The following FBXO11 variants were observed in gnomAD, a reference collection of about 807,000 sequenced individuals.
The protein encoded by FBXO11 is F-box protein 11.
FBXO11 carries 13 observed loss-of-function variants against 117.0 expected under a neutral mutation model. That is an observed-to-expected ratio of 0.11 (90% CI 0.07 to 0.18). The LOEUF (loss-of-function observed/expected upper bound fraction) is 0.18. Ranked by LOEUF, FBXO11 falls within the 10% of genes least tolerant of loss-of-function variation. The probability of loss-of-function intolerance (pLI) is 1.00; values close to 1 mark genes in which losing one functional copy is unlikely to be tolerated. For missense variants in FBXO11, 767 were observed against 1,164.4 expected, an observed-to-expected ratio of 0.66 and a Z score of 4.97; for synonymous variants, 490 against 380.5, an observed-to-expected ratio of 1.29 and a Z score of -3.35.
intron 5 of FBXO11, among the ~76,000 whole-genome samples, 185 bp from the exon 6 acceptor site, chr2:47,835,056 C>T (rs1672447217): frequency 6.6e-6 from 1 of 152,132 alleles, no homozygotes; most frequent in Non-Finnish European, 1.5e-5. Flanking sequence ...TATCCAGAAA[C>T]AAAGAACAGG....
chr2:47,844,142 C>T (rs1301128202), intron 1 of FBXO11, among the ~76,000 whole-genome samples: 1 of 152,170 alleles, frequency 6.6e-6, no homozygotes, highest in Admixed American at 6.6e-5. Context: ...CTGCCAATTT[C>T]CATGATTATA....
chr2:47,897,092 T>A (rs1197759331), intron 1 of FBXO11, among the ~76,000 whole-genome samples: 1 of 152,196 alleles, frequency 6.6e-6, no homozygotes, highest in African/African-American at 2.4e-5. Context: ...CATACCAAAG[T>A]TGTCCATCTC....
intron 1 of FBXO11, among the ~76,000 whole-genome samples, chr2:47,859,555 G>A (rs916956772): frequency 2.0e-5 from 3 of 152,198 alleles, no homozygotes; most frequent in Non-Finnish European, 4.4e-5. Flanking sequence ...ATAAATGGAT[G>A]AGACCTCAAG....
intron 1 of FBXO11, among the ~76,000 whole-genome samples, chr2:47,856,106 G>A (rs191911691): frequency 3.6e-4 from 55 of 152,248 alleles, no homozygotes; most frequent in Admixed American, 1.2e-3. Context: ...GTGGAATACC[G>A]TCTCTAAAGA....
At chr2:47,816,781 A>C (rs1671034813) in intron 16 of FBXO11, among the ~76,000 whole-genome samples, 1 of 152,190 alleles carries the variant, frequency 6.6e-6, no homozygotes, top group Non-Finnish European at 1.5e-5. Flanking sequence ...TCTGAGCACT[A>C]GGTCTCAGTG....
intron 1 of FBXO11, among the ~76,000 whole-genome samples, chr2:47,873,422 T>A (rs1454825516): frequency 2.0e-5 from 3 of 152,128 alleles, no homozygotes; most frequent in Admixed American, 6.5e-5. Flanking sequence ...CTGGGTTTTA[T>A]CCTTGCCCTA....
intron 1 of FBXO11, among the ~76,000 whole-genome samples, chr2:47,843,557 G>A (rs1326601764): frequency 6.6e-6 from 1 of 151,778 alleles, no homozygotes; most frequent in Non-Finnish European, 1.5e-5. Context: ...GTAATTAATG[G>A]CTTTCTTCAT....
chr2:47,831,373 C>T (rs1037213022), intron 11 of FBXO11, among the ~76,000 whole-genome samples: 3 of 148,266 alleles, frequency 2.0e-5, no homozygotes, highest in African/African-American at 7.5e-5. Context: ...CAAGATCACA[C>T]CATTGCCATT....
At chr2:47,824,521 C>G (rs1225605286) in intron 11 of FBXO11, among the ~76,000 whole-genome samples, 1 of 152,050 alleles carries the variant, frequency 6.6e-6, no homozygotes, top group Non-Finnish European at 1.5e-5. Context: ...CAATCAGAGT[C>G]TTAAAATAAG....
intron 1 of FBXO11, among the ~76,000 whole-genome samples, chr2:47,902,700 A>C (rs1678388387): frequency 6.6e-6 from 1 of 152,170 alleles, no homozygotes; most frequent in Non-Finnish European, 1.5e-5. Flanking sequence ...TTTTTGCCTG[A>C]AAACATATTA....
intron 1 of FBXO11, among the ~76,000 whole-genome samples, chr2:47,894,276 A>AT (rs1451382104): frequency 6.6e-6 from 1 of 152,138 alleles, no homozygotes; most frequent in East Asian, 1.9e-4. Context: ...ATATGCCCCC[A>AT]TTTTTCTGTG....
At chr2:47,868,107 A>C (rs1346366986) in intron 1 of FBXO11, among the ~76,000 whole-genome samples, 1 of 152,116 alleles carries the variant, frequency 6.6e-6, no homozygotes, top group East Asian at 1.9e-4. Context: ...AACTACTGCC[A>C]TGTCAGAATT....
intron 18 of FBXO11, 84 bp downstream of exon 18, chr2:47,813,150 A>C (rs1670743702): frequency 1.5e-6 from 2 of 1,320,862 alleles, no homozygotes; most frequent in Admixed American, 1.7e-5. Context: ...TTTATAACTT[A>C]GTTAGCAATG....
rs1489443096 is a variant in FBXO11 at position 47,823,320 on chromosome 2, G to A, written c.1439C>T (p.Ala480Val). The stretch of plus-strand genomic sequence containing the variant: ...AGCATAGGCTTTTACTTCAAAGCCT[G>A]CTATCCTATTTCTGTGTATATTGCA... ...ESCNIHRNRI[A>V]GFEVKAYANP... is the part of the protein sequence containing the mutation. The change falls in exon 12 of 23, where the codon GCA becomes GTA. Residue 480 changes from alanine to valine, a missense_variant. This residue lies in a region of FBXO11 where 67 missense variants were observed against 148.8 expected (regional missense o/e 0.45). Coordinates refer to ENST00000403359, the MANE Select transcript of FBXO11 (RefSeq NM_001190274.2). The A allele has an allele frequency of 1.2e-6, 2 of 1,613,064 alleles. No homozygotes were observed. The highest frequency in any genetic ancestry group is 8.5e-7 in the Non-Finnish European group (1 of 1,179,634).
intron 16 of FBXO11, among the ~76,000 whole-genome samples, chr2:47,816,044 A>T (rs1255983314): frequency 6.6e-6 from 1 of 152,182 alleles, no homozygotes; most frequent in Admixed American, 6.5e-5. Context: ...TGCTGTCTAG[A>T]TCAGCCTGCC....
intron 1 of FBXO11, among the ~76,000 whole-genome samples, chr2:47,867,941 T>C (rs1010543690): frequency 4.6e-5 from 7 of 152,276 alleles, no homozygotes; most frequent in Admixed American, 3.3e-4. Context: ...TTTAAGTCTC[T>C]GAATATGGGC....
At chr2:47,826,802 G>C (rs974168985) in intron 11 of FBXO11, among the ~76,000 whole-genome samples, 1 of 152,100 alleles carries the variant, frequency 6.6e-6, no homozygotes, top group Non-Finnish European at 1.5e-5. Context: ...GTCTCACTCT[G>C]TTGCCCAGGA....
chr2:47,834,902 GACT>G (rs1672432746), intron 5 of FBXO11, 31 bp from the exon 6 acceptor site: 1 of 1,468,730 alleles, frequency 6.8e-7, no homozygotes, highest in Non-Finnish European at 9.5e-7. Context: ...CAAAACCATT[GACT>G]ACTAACATAA....
At position 47,832,435 on chromosome 2, in the gene FBXO11, C is replaced by T; in HGVS notation, c.1312G>A (p.Val438Ile). The change falls in exon 11 of 23, where the codon GTT (valine) becomes ATT (isoleucine). Residue 438 changes from valine (V) to isoleucine (I), a missense_variant. Around this residue, in one of 10 missense-constraint regions of FBXO11, gnomAD observed 33 missense variants for 66.1 expected, o/e 0.50. Transcript: ENST00000403359. The part of the protein sequence containing the change: ...ISNNALAGIW[V>I]KNHGNPIIRR... ...ATAATTGGGTTTCCATGATTTTTAA[C>T]CCAAATCCCAGCTAACGCATTATTG... The T allele has an allele frequency of 6.2e-7, 1 of 1,613,760 alleles. No homozygotes were observed. The highest frequency in any genetic ancestry group is 8.5e-7 in the Non-Finnish European group (1 of 1,179,816).
Sources: gnomAD v4.1 joint callset for allele counts (sites outside exome capture counted in the v4.1 genomes callset) on GRCh38, gnomAD v4.1.1 for gene constraint, gnomAD v4.1.1 regional missense constraint, MANE v1.5 for transcripts, NCBI Gene and HGNC (gene_info 2026-07-23, HGNC 2026-07-21) for gene names.